Variants in MERTK observed in about 807,000 individuals in gnomAD.
The protein encoded by MERTK is tyrosine-protein kinase Mer.
Under a neutral mutation model 99.3 loss-of-function variants are expected in MERTK, and 69 were observed. That is an observed-to-expected ratio of 0.70 (90% CI 0.57 to 0.85). The LOEUF (loss-of-function observed/expected upper bound fraction) is 0.85. MERTK is among the 40% of genes least tolerant of loss of function. The probability of loss-of-function intolerance (pLI) is 0.00; values close to 1 mark genes in which losing one functional copy is unlikely to be tolerated. For missense variants in MERTK, 1,125 were observed against 1,249.4 expected (o/e 0.90, Z 1.50); for synonymous variants, 426 against 467.6 (o/e 0.91, Z 1.15).
intron 7 of MERTK, among the ~76,000 whole-genome samples, chr2:111,978,715 T>A (rs1676307140): frequency 6.6e-6 from 1 of 152,266 alleles, no homozygotes; most frequent in Non-Finnish European, 1.5e-5. Context: ...CTCTAGGTAG[T>A]ATTTTTCAGG....
intron 2 of MERTK, among the ~76,000 whole-genome samples, chr2:111,944,656 C>T (rs1684930991): frequency 6.6e-6 from 1 of 152,128 alleles, no homozygotes; most frequent in Admixed American, 6.5e-5. Context: ...CCCTCTTTCC[C>T]TGGGGACCTC....
At chr2:111,991,251 G>A (rs1035400043) in intron 8 of MERTK, among the ~76,000 whole-genome samples, 8 of 152,082 alleles carry the variant, frequency 5.3e-5, no homozygotes, top group East Asian at 1.9e-4. Flanking sequence ...TTTGTTGCTT[G>A]TTTTGAAACG....
chr2:111,974,786 A>AG (rs1359698130), intron 6 of MERTK, among the ~76,000 whole-genome samples: 12 of 144,942 alleles, frequency 8.3e-5, no homozygotes, highest in African/African-American at 2.9e-4. Flanking sequence ...AAAAAAAAAA[A>AG]AAAAAAGAAA....
chr2:112,017,364 G>A (rs1677239090), intron 15 of MERTK, among the ~76,000 whole-genome samples: 1 of 152,134 alleles, frequency 6.6e-6, no homozygotes, highest in African/African-American at 2.4e-5. Flanking sequence ...TAGCTAGACA[G>A]AAAAGTTCTC....
chr2:111,948,481 G>C (rs1374125025), intron 4 of MERTK, among the ~76,000 whole-genome samples: 2 of 152,150 alleles, frequency 1.3e-5, no homozygotes, highest in Non-Finnish European at 2.9e-5. Flanking sequence ...TGAGTTGCAG[G>C]CTCATGTATC....
At chr2:111,964,774 G>T (rs1474208552) in intron 4 of MERTK, among the ~76,000 whole-genome samples, 1 of 152,046 alleles carries the variant, frequency 6.6e-6, no homozygotes, top group East Asian at 1.9e-4. Flanking sequence ...TTAAACTGTG[G>T]CTTTTATTTT....
At chr2:111,949,212 TATA>T (rs759214694) in intron 4 of MERTK, among the ~76,000 whole-genome samples, 1 of 152,084 alleles carries the variant, frequency 6.6e-6, no homozygotes. Context: ...TGTCACCGTC[TATA>T]ATTACCCAGT....
intron 4 of MERTK, among the ~76,000 whole-genome samples, chr2:111,954,168 G>A (rs1685106183): frequency 6.6e-6 from 1 of 152,296 alleles, no homozygotes; most frequent in South Asian, 2.1e-4. Flanking sequence ...ACCCATTGGG[G>A]CTTCAGCCTA....
intron 18 of MERTK, among the ~76,000 whole-genome samples, chr2:112,027,971 C>T (rs995964630): frequency 3.3e-5 from 5 of 152,148 alleles, no homozygotes; most frequent in South Asian, 2.1e-4. Flanking sequence ...TCATAGATAA[C>T]GTGTAAACAA....
intron 5 of MERTK, among the ~76,000 whole-genome samples, chr2:111,967,530 C>T (rs1175274590): frequency 1.3e-5 from 2 of 152,102 alleles, no homozygotes; most frequent in Non-Finnish European, 1.5e-5. Context: ...CCCACCCATT[C>T]GAGGACACAC....
rs1558813503 is a variant in MERTK at position 112,028,420 on chromosome 2, G to A, written c.2556G>A (p.Leu852=). 6.2e-7 allele frequency: 1 copy of A among 1,614,134 alleles called. No homozygotes were observed. Among genetic ancestry groups the A allele is most frequent in the Non-Finnish European group, 8.5e-7 (1 of 1,180,026 alleles). The change falls in exon 19 of 19, where the codon CTG becomes CTA. Residue 852 remains leucine (L), a synonymous_variant. Coordinates refer to ENST00000295408, the MANE Select transcript of MERTK (RefSeq NM_006343.3). ...LDRPTFSVLR[L]QLEKLLESLP... ...GCCCCACCTTTTCAGTATTGAGGCT[G>A]CAGCTAGAAAAACTCTTAGAAAGTT...
At chr2:111,989,361 T>C (rs866772884) in intron 8 of MERTK, among the ~76,000 whole-genome samples, 6 of 55,584 alleles carry the variant, frequency 1.1e-4, no homozygotes, top group Non-Finnish European at 1.7e-4. Context: ...TTGTGAATTC[T>C]TTTTTTTTTT....
chr2:112,003,769 G>A, intron 12 of MERTK, 135 bp from the exon 13 acceptor site: 1 of 781,682 alleles, frequency 1.3e-6, no homozygotes, highest in Non-Finnish European at 2.2e-6. Flanking sequence ...TGGGTGGCCT[G>A]GGCAGGCTCT....
At chr2:112,001,130 C>G in intron 10 of MERTK, 71 bp from the exon 11 acceptor site, 1 of 1,173,166 alleles carries the variant, frequency 8.5e-7, no homozygotes, top group Non-Finnish European at 1.3e-6. Flanking sequence ...TCTGTAGCAT[C>G]CTTGTGGAAT....
chr2:111,964,039 C>CTTTTTTTTTTTTTTTTTT (rs1553451938), intron 4 of MERTK, among the ~76,000 whole-genome samples: 6 of 40,500 alleles, frequency 1.5e-4, no homozygotes, highest in South Asian at 7.8e-4. Context: ...CAAAAATTTT[C>CTTTTTTTTTTTTTTTTTT]TTTCTTTTTT....
At chr2:111,942,909 A>C (rs1684891780) in intron 2 of MERTK, among the ~76,000 whole-genome samples, 1 of 152,194 alleles carries the variant, frequency 6.6e-6, no homozygotes, top group Admixed American at 6.5e-5. Context: ...TCTATTTATC[A>C]CAGGCCAATG....
chr2:111,940,991 C>T (rs758676856), intron 2 of MERTK: 63 of 586,972 alleles, frequency 1.1e-4, no homozygotes, highest in South Asian at 2.1e-4. Flanking sequence ...CAGTTGAAAC[C>T]GGCGGGGTTG....
At chr2:111,948,837 T>C (rs79728851) in intron 4 of MERTK, among the ~76,000 whole-genome samples, 29,928 of 151,962 alleles carry the variant, frequency 0.2, 3,761 homozygotes, top group South Asian at 0.32. Flanking sequence ...TGACATCACC[T>C]GCCTGCTGAA....
rs972040182 is a variant in MERTK at position 112,029,348 on chromosome 2, A to C, written c.*484A>C. On this transcript the variant is annotated 3_prime_UTR_variant, in exon 19 of 19. Transcript: ENST00000295408. Reference sequence around the variant, plus strand: ...GATTAATTTTCTGATATGGCTTCCTAATAAAATATGAATAAGGAAGGATAT... The same window carrying C: ...GATTAATTTTCTGATATGGCTTCCTCATAAAATATGAATAAGGAAGGATAT... 1 of 939,448 alleles carries C rather than the reference A, an allele frequency of 1.1e-6. No homozygotes were observed. The highest frequency in any genetic ancestry group is 1.8e-5 in the African/African-American group (1 of 56,138). The allele number at this position is 939,448 out of a possible 1,614,324, so 58.2% of individuals were successfully genotyped here. A position where few individuals can be genotyped will look rare whatever the true frequency, so the allele number is the denominator to read the frequency against.
Sources: allele counts gnomAD v4.1 joint callset (sites outside exome capture counted in the v4.1 genomes callset), GRCh38; gene constraint gnomAD v4.1.1; transcripts MANE v1.5; gene names NCBI Gene and HGNC (gene_info 2026-07-23, HGNC 2026-07-21).